Variants in HPSE2 observed in about 807,000 individuals in gnomAD.
The protein encoded by HPSE2 is heparanase 2 (inactive), also known as inactive heparanase-2.
HPSE2 carries 38 observed loss-of-function variants against 60.5 expected under a neutral mutation model. The ratio of observed to expected loss-of-function variants is 0.63; its 90% CI spans 0.48 to 0.82. The LOEUF (loss-of-function observed/expected upper bound fraction) is 0.82. HPSE2 is among the 40% of genes least tolerant of loss of function. The pLI is 0.00. For synonymous variants in HPSE2, 295 were observed against 293.2 expected (o/e 1.01, Z -0.06); for missense variants, 713 against 740.4 (o/e 0.96, Z 0.43).
chr10:99,106,748 T>C (rs1398483232), intron 3 of HPSE2, among the ~76,000 whole-genome samples: 3 of 152,164 alleles, frequency 2.0e-5, no homozygotes, highest in Non-Finnish European at 4.4e-5. Flanking sequence ...TAGATAATAT[T>C]ATCCCCATTT....
chr10:98,492,612 T>A (rs186976805), intron 9 of HPSE2, among the ~76,000 whole-genome samples: 1 of 152,012 alleles, frequency 6.6e-6, no homozygotes, highest in Admixed American at 6.5e-5. Context: ...ATCCCCACCA[T>A]AATTGAGTGG....
the HPSE2 span, among the ~76,000 whole-genome samples, chr10:99,278,489 C>A: frequency 2.0e-5 from 3 of 152,108 alleles, no homozygotes; most frequent in Admixed American, 2.0e-4. Flanking sequence ...AATTTCTATA[C>A]AGGAATGGCT....
intron 9 of HPSE2, among the ~76,000 whole-genome samples, chr10:98,602,975 A>G (rs762227030): frequency 7.2e-5 from 11 of 152,212 alleles, no homozygotes; most frequent in Non-Finnish European, 1.3e-4. Flanking sequence ...TTAAAAGGAC[A>G]CCATCAAGAA....
In HPSE2 at chr10:98,459,631, G is replaced by A. The variant is rs780826697; in HGVS notation, c.1722C>T (p.Val574=). ...TCTTGACCACATAAAAGCCCATGGT[G>A]ACTGGAGGGATGACCAATGTCCGGC... ...RAGRTLVIPP[V]TMGFYVVKNV... The change falls in exon 12 of 12, where the codon GTC becomes GTT. Residue 574 remains valine, a synonymous_variant. Transcript: ENST00000370552. The A allele has an allele frequency of 1.2e-6, 2 of 1,614,186 alleles. No individual in the cohort carries two copies. The highest frequency in any genetic ancestry group is 1.7e-6 in the Non-Finnish European group (2 of 1,180,034).
intron 4 of HPSE2, among the ~76,000 whole-genome samples, chr10:98,734,916 C>T (rs1321335345): frequency 2.0e-5 from 3 of 151,496 alleles, no homozygotes; most frequent in South Asian, 2.1e-4. Flanking sequence ...CACACAAACA[C>T]ACACAAACAC....
the HPSE2 span, among the ~76,000 whole-genome samples, chr10:99,250,716 C>T: frequency 2.0e-5 from 3 of 152,154 alleles, no homozygotes; most frequent in Admixed American, 1.3e-4. Flanking sequence ...CAAAACCACA[C>T]AATTACACAA....
At chr10:98,739,198 C>A (rs1174393091) in intron 4 of HPSE2, among the ~76,000 whole-genome samples, 1 of 152,102 alleles carries the variant, frequency 6.6e-6, no homozygotes, top group African/African-American at 2.4e-5. Flanking sequence ...TGGAAACCAT[C>A]ATTCTCAGCA....
chr10:98,945,901 C>T, intron 3 of HPSE2, among the ~76,000 whole-genome samples: 1 of 152,046 alleles, frequency 6.6e-6, no homozygotes, highest in East Asian at 1.9e-4. Context: ...GGGATGAAGA[C>T]AGAGCACAGA....
intron 9 of HPSE2, among the ~76,000 whole-genome samples, chr10:98,595,164 ATTTTTT>A (rs34509249): frequency 2.2e-5 from 2 of 91,688 alleles, no homozygotes; most frequent in African/African-American, 8.0e-5. Flanking sequence ...TATAAATGAG[ATTTTTT>A]TTTTTTTTTT....
At chr10:98,879,843 G>A (rs1952971962) in intron 3 of HPSE2, among the ~76,000 whole-genome samples, 1 of 123,514 alleles carries the variant, frequency 8.1e-6, no homozygotes. Context: ...AACAGTTGGT[G>A]TGCATGTGCG....
chr10:99,059,296 T>G (rs191440726), intron 3 of HPSE2, among the ~76,000 whole-genome samples: 22 of 152,310 alleles, frequency 1.4e-4, no homozygotes, highest in African/African-American at 5.3e-4. Flanking sequence ...AATAGATTTT[T>G]TTAAGTGTTC....
chr10:99,189,123 TA>T (rs1219607918), intron 2 of HPSE2, among the ~76,000 whole-genome samples: 1 of 152,196 alleles, frequency 6.6e-6, no homozygotes, highest in Non-Finnish European at 1.5e-5. Flanking sequence ...AGAGAACTCT[TA>T]AAATTAATTA....
intron 3 of HPSE2, among the ~76,000 whole-genome samples, chr10:98,945,459 C>A (rs1398361683): frequency 6.6e-6 from 1 of 152,070 alleles, no homozygotes; most frequent in Non-Finnish European, 1.5e-5. Flanking sequence ...GCTTTCTTTA[C>A]CCTCTTAACC....
At position 98,603,441 on chromosome 10, in the gene HPSE2, T is replaced by TTTTTG. The variant is rs1554951348; in HGVS notation, c.1320+11462_1320+11463insCAAAA. On this transcript the variant is annotated intron_variant, in intron 9 of 11. Coordinates refer to ENST00000370552, the MANE Select transcript of HPSE2 (RefSeq NM_021828.5). ...ACGCCAGAGCACTCTGTTTTTTTGTTTTTTTTTTTGACAGAGTCTTGCTCT... is the reference window on the plus strand; with the variant it reads ...ACGCCAGAGCACTCTGTTTTTTTGTTTTTTGTTTTTTTTTGACAGAGTCTTGCTCT... Among the ~76,000 whole-genome samples, 8 of 145,168 alleles carry TTTTTG rather than the reference T, an allele frequency of 5.5e-5. No homozygotes were observed. In the South Asian group the frequency reaches 1.1e-3, roughly 19 times the overall value.
At chr10:99,146,810 G>A (rs545707940) in intron 2 of HPSE2, among the ~76,000 whole-genome samples, 43 of 152,130 alleles carry the variant, frequency 2.8e-4, no homozygotes, top group East Asian at 2.7e-3. Context: ...GCAGTGAGCC[G>A]AGATCGTACC....
chr10:98,980,103 A>G (rs984012529), intron 3 of HPSE2, among the ~76,000 whole-genome samples: 16 of 152,302 alleles, frequency 1.1e-4, no homozygotes, highest in Middle Eastern at 3.4e-3. Flanking sequence ...CAGGACATAT[A>G]AAGTCAGAGA....
intron 3 of HPSE2, among the ~76,000 whole-genome samples, chr10:99,031,851 A>C (rs970916200): frequency 1.5e-4 from 23 of 152,214 alleles, no homozygotes; most frequent in Admixed American, 1.5e-3. Flanking sequence ...ATTAGCAATC[A>C]AAAAGGAACT....
At chr10:98,764,612 G>A (rs545732070) in intron 3 of HPSE2, among the ~76,000 whole-genome samples, 4 of 152,270 alleles carry the variant, frequency 2.6e-5, no homozygotes, top group Admixed American at 2.6e-4. Flanking sequence ...CCAGCACCTT[G>A]GGAGGCAGAG....
At chr10:99,110,237 GAA>G (rs1469114199) in intron 3 of HPSE2, among the ~76,000 whole-genome samples, 1 of 152,150 alleles carries the variant, frequency 6.6e-6, no homozygotes, top group Non-Finnish European at 1.5e-5. Context: ...AGGCCCACTT[GAA>G]AAAGAGACTG....
Sources: gnomAD v4.1 joint callset for allele counts (sites outside exome capture counted in the v4.1 genomes callset) on GRCh38, gnomAD v4.1.1 for gene constraint, MANE v1.5 for transcripts, NCBI Gene and HGNC (gene_info 2026-07-23, HGNC 2026-07-21) for gene names.